Variants in LYPD6B observed in about 807,000 individuals in gnomAD.
The protein encoded by LYPD6B is LY6/PLAUR domain containing 6B.
Under a neutral mutation model 22.8 loss-of-function variants are expected in LYPD6B, and 17 were observed. The ratio of observed to expected loss-of-function variants is 0.75; its 90% confidence interval spans 0.51 to 1.12. The LOEUF is 1.12. LYPD6B is among the 50% of genes most tolerant of loss of function. LYPD6B has a pLI of 0.00. For missense variants in LYPD6B, 221 were observed against 258.3 expected (o/e 0.86, Z 0.99); for synonymous variants, 106 against 91.6 (o/e 1.16, Z -0.90).
intron 3 of LYPD6B, among the ~76,000 whole-genome samples, chr2:149,189,948 A>C (rs1692388815): frequency 6.6e-6 from 1 of 152,152 alleles, no homozygotes; most frequent in Non-Finnish European, 1.5e-5. Context: ...TTAACCATAA[A>C]CTATAGAGCC....
intron 5 of LYPD6B, among the ~76,000 whole-genome samples, chr2:149,210,085 G>A (rs1043005612): frequency 1.3e-4 from 20 of 152,148 alleles, no homozygotes; most frequent in Admixed American, 1.3e-3. Context: ...TGTCCAACCT[G>A]GTAGGCCTTA....
intron 3 of LYPD6B, among the ~76,000 whole-genome samples, chr2:149,177,667 G>T (rs1482284563): frequency 6.6e-6 from 1 of 152,130 alleles, no homozygotes; most frequent in South Asian, 2.1e-4. Context: ...TCTCATGCCT[G>T]CCAGGTGCTT....
chr2:149,042,357 T>C (rs1304445720), intron 1 of LYPD6B, among the ~76,000 whole-genome samples: 1 of 152,228 alleles, frequency 6.6e-6, no homozygotes, highest in African/African-American at 2.4e-5. Flanking sequence ...TGCTGGACTT[T>C]TGGAATCAGA....
chr2:149,093,221 C>A (rs1685745690), intron 1 of LYPD6B, among the ~76,000 whole-genome samples: 1 of 152,026 alleles, frequency 6.6e-6, no homozygotes, highest in Admixed American at 6.6e-5. Flanking sequence ...ACATTTTTGG[C>A]AACGATCAAA....
chr2:149,059,598 T>C (rs910158138), intron 1 of LYPD6B, among the ~76,000 whole-genome samples: 11 of 152,266 alleles, frequency 7.2e-5, no homozygotes, highest in African/African-American at 7.2e-5. Flanking sequence ...TATCCATTTC[T>C]TCATTACGGC....
chr2:149,073,384 C>T (rs1049877992), intron 1 of LYPD6B, among the ~76,000 whole-genome samples: 2 of 152,154 alleles, frequency 1.3e-5, no homozygotes, highest in Non-Finnish European at 2.9e-5. Context: ...CTTGTTTCCA[C>T]CCTCATGGTG....
At position 149,154,708 on chromosome 2, in the gene LYPD6B, C is replaced by T. The variant is rs896025295; in HGVS notation, c.6-6056C>T. On this transcript the variant is annotated intron_variant, in intron 2 of 6. Coordinates refer to ENST00000409642, the MANE Select transcript of LYPD6B (RefSeq NM_177964.5). Reference sequence around the variant, plus strand: ...GGGTGGGGTGGTGTGGGGAGAGTGGCGGAGTGGTGTTATTGAAAAATGAGA... The same window carrying T: ...GGGTGGGGTGGTGTGGGGAGAGTGGTGGAGTGGTGTTATTGAAAAATGAGA... Among the ~76,000 whole-genome samples the T allele has an allele frequency of 1.2e-4, 18 of 151,852 alleles. 1 individual carries two copies. Among genetic ancestry groups the T allele is most frequent in the African/African-American group, 3.4e-4 (14 of 41,410 alleles).
rs567565449 is a variant in LYPD6B at position 149,124,354 on chromosome 2, G to A, written c.-66-6529G>A. On this transcript the variant is annotated intron_variant, in intron 1 of 6. Coordinates refer to ENST00000409642, the MANE Select transcript of LYPD6B (RefSeq NM_177964.5). Reference sequence around the variant, plus strand: ...TCCTCTTTGCATATAGCAGATAATTGTTATCAATGCTCAGGGCAATTATGT... The same window carrying A: ...TCCTCTTTGCATATAGCAGATAATTATTATCAATGCTCAGGGCAATTATGT... 3.3e-5 allele frequency among the ~76,000 whole-genome samples: 5 copies of A among 152,202 alleles called. No homozygotes were observed. The East Asian group carries it at 9.6e-4, about 29-fold the overall frequency.
chr2:149,191,916 G>C (rs912976586), intron 3 of LYPD6B, among the ~76,000 whole-genome samples: 1 of 152,196 alleles, frequency 6.6e-6, no homozygotes, highest in Admixed American at 6.5e-5. Flanking sequence ...AGAGGAGCCA[G>C]CAAAGGAAAA....
chr2:149,121,293 A>G (rs1011518873), intron 1 of LYPD6B, among the ~76,000 whole-genome samples: 3 of 152,120 alleles, frequency 2.0e-5, no homozygotes, highest in African/African-American at 7.2e-5. Flanking sequence ...TCAAGAGTGG[A>G]TTTAGAGGGT....
intron 1 of LYPD6B, among the ~76,000 whole-genome samples, chr2:149,044,480 C>T (rs59021681): frequency 0.064 from 9,703 of 152,056 alleles, 487 homozygotes; most frequent in East Asian, 0.28. Context: ...TAGGTGGGTC[C>T]TTTGTAGATT....
intron 1 of LYPD6B, among the ~76,000 whole-genome samples, chr2:149,097,974 A>C (rs938798585): frequency 6.6e-6 from 1 of 152,208 alleles, no homozygotes; most frequent in African/African-American, 2.4e-5. Flanking sequence ...TAGAAAAATA[A>C]TCATTGAGTG....
intron 1 of LYPD6B, among the ~76,000 whole-genome samples, chr2:149,073,887 G>A (rs2105367946): frequency 1.3e-5 from 2 of 152,044 alleles, no homozygotes; most frequent in Admixed American, 1.3e-4. Context: ...TCGGGTGAGG[G>A]CGTGGAGACC....
At chr2:149,079,310 A>G (rs1246778597) in intron 1 of LYPD6B, among the ~76,000 whole-genome samples, 1 of 152,164 alleles carries the variant, frequency 6.6e-6, no homozygotes, top group Non-Finnish European at 1.5e-5. Context: ...GGCTAATACT[A>G]AATCGAATCT....
chr2:149,195,602 C>T (rs994460536), intron 3 of LYPD6B, among the ~76,000 whole-genome samples: 2 of 152,174 alleles, frequency 1.3e-5, no homozygotes, highest in Non-Finnish European at 2.9e-5. Flanking sequence ...ATTTTACATT[C>T]TGCTGTCATA....
At chr2:149,192,363 C>T (rs575572339) in intron 3 of LYPD6B, among the ~76,000 whole-genome samples, 20 of 150,702 alleles carry the variant, frequency 1.3e-4, no homozygotes, top group Non-Finnish European at 2.7e-4. Context: ...AAAGAAGCGG[C>T]TTCTAATACC....
chr2:149,175,479 A>G (rs1383977653), intron 3 of LYPD6B, among the ~76,000 whole-genome samples: 1 of 152,154 alleles, frequency 6.6e-6, no homozygotes, highest in Non-Finnish European at 1.5e-5. Flanking sequence ...CTGGGACATT[A>G]CTGTAGACTT....
At chr2:149,044,921 T>A (rs543817593) in intron 1 of LYPD6B, among the ~76,000 whole-genome samples, 2 of 152,038 alleles carry the variant, frequency 1.3e-5, no homozygotes, top group African/African-American at 4.8e-5. Context: ...GATTTTCAAA[T>A]GTTGAACCAG....
At chr2:149,149,510 G>C (rs1446728352) in intron 2 of LYPD6B, among the ~76,000 whole-genome samples, 1 of 152,058 alleles carries the variant, frequency 6.6e-6, no homozygotes, top group Non-Finnish European at 1.5e-5. Flanking sequence ...ATTCAACTTA[G>C]ATTTTTAAAA....
Sources: allele counts gnomAD v4.1 joint callset (sites outside exome capture counted in the v4.1 genomes callset), GRCh38; gene constraint gnomAD v4.1.1; transcripts MANE v1.5; gene names NCBI Gene and HGNC (gene_info 2026-07-23, HGNC 2026-07-21).